The following TMEM232 variants were observed in gnomAD, a reference collection of about 807,000 sequenced individuals.
TMEM232 encodes the protein transmembrane protein 232.
In TMEM232, 80 loss-of-function variants were observed where a neutral mutation model predicts 78.8. That is an observed-to-expected ratio of 1.01 (90% CI 0.85 to 1.22). TMEM232 has a LOEUF of 1.22. TMEM232 is among the 50% of genes most tolerant of loss of function. The pLI is 0.00. For missense variants in TMEM232, 881 were observed against 742.2 expected (o/e 1.19, Z -2.17); for synonymous variants, 297 against 254.3 (o/e 1.17, Z -1.60).
At chr5:110,662,824 A>G (rs887712191) in intron 2 of TMEM232, among the ~76,000 whole-genome samples, 9 of 152,166 alleles carry the variant, frequency 5.9e-5, no homozygotes, top group African/African-American at 2.2e-4. Flanking sequence ...ATTTACAAAA[A>G]TTTCCACATA....
intron 4 of TMEM232, among the ~76,000 whole-genome samples, chr5:110,388,376 G>A (rs1428323168): frequency 6.6e-6 from 1 of 152,268 alleles, no homozygotes; most frequent in East Asian, 1.9e-4. Flanking sequence ...GTCCCAGGTA[G>A]TATATTCCTA....
At chr5:110,460,321 G>A (rs1391359928) in intron 12 of TMEM232, among the ~76,000 whole-genome samples, 1 of 151,854 alleles carries the variant, frequency 6.6e-6, no homozygotes, top group Non-Finnish European at 1.5e-5. Context: ...GTATGTGTGT[G>A]TAGATGGAAA....
chr5:110,451,418 T>G (rs1760265646), intron 12 of TMEM232, among the ~76,000 whole-genome samples: 1 of 152,210 alleles, frequency 6.6e-6, no homozygotes, highest in African/African-American at 2.4e-5. Flanking sequence ...TCTAAAACTT[T>G]GATGGCATCT....
intron 10 of TMEM232, among the ~76,000 whole-genome samples, chr5:110,580,371 A>G (rs550003955): frequency 6.6e-6 from 1 of 151,850 alleles, no homozygotes; most frequent in African/African-American, 2.4e-5. Flanking sequence ...TATTCAGTAC[A>G]TTAACATACT....
chr5:110,486,965 T>A (rs971718157), intron 12 of TMEM232, among the ~76,000 whole-genome samples: 4 of 152,124 alleles, frequency 2.6e-5, no homozygotes, highest in African/African-American at 9.7e-5. Flanking sequence ...TGTTTCCATT[T>A]GTTTGTGTCA....
intron 11 of TMEM232, among the ~76,000 whole-genome samples, chr5:110,540,270 C>T (rs982904345): frequency 7.2e-5 from 11 of 152,144 alleles, no homozygotes; most frequent in Non-Finnish European, 1.0e-4. Flanking sequence ...CCAAGTTTCC[C>T]GTGGGCAATC....
At chr5:110,477,074 A>C (rs1477186058) in intron 12 of TMEM232, among the ~76,000 whole-genome samples, 1 of 152,002 alleles carries the variant, frequency 6.6e-6, no homozygotes, top group Non-Finnish European at 1.5e-5. Flanking sequence ...GGTTTTTCAA[A>C]ACAAACCTGA....
At position 110,443,599 on chromosome 5, in the gene TMEM232, C is replaced by T. The variant is rs564260923; in HGVS notation, c.1704-18683G>A. Among the ~76,000 whole-genome samples, 19 of 152,256 alleles carry T rather than the reference C, an allele frequency of 1.2e-4. No individual in the cohort carries two copies. In the East Asian group the frequency reaches 3.5e-3, roughly 28 times the overall value. On this transcript the variant is annotated intron_variant, in intron 12 of 13. Transcript: ENST00000455884. ...CTACACCACTGTTGCCAAGCTGGTACCTAAGGTGCAAAACAAAGTCCTCAT... is the reference window on the plus strand; with the variant it reads ...CTACACCACTGTTGCCAAGCTGGTATCTAAGGTGCAAAACAAAGTCCTCAT...
At position 110,420,605 on chromosome 5, in the gene TMEM232, A is replaced by T. The variant is rs1434598021; in HGVS notation, c.1949T>A (p.Leu650His). The change falls in exon 14 of 14, where the codon CTT (leucine) becomes CAT (histidine). Residue 650 changes from leucine (L) to histidine (H), a missense_variant. Leu to His is a moderately conservative substitution (Grantham distance 99). Transcript: ENST00000455884. ...TTAAATTACTTCCTTCCTATAAGGA[A>T]GTTCATAGGGCTTGGTTTGCTTATG... ...KLHKQTKPYELPYRKEVI is the reference protein window; with the variant it reads ...KLHKQTKPYEHPYRKEVI 2.6e-5 allele frequency: 38 copies of T among 1,481,016 alleles called. No homozygotes were observed. The highest frequency in any genetic ancestry group is 3.3e-5 in the Non-Finnish European group (37 of 1,129,918). 91.7% of individuals were successfully genotyped at this position (1,481,016 alleles called of 1,614,324 possible).
chr5:110,683,147 A>T (rs539144222), intron 1 of TMEM232, among the ~76,000 whole-genome samples: 1 of 152,292 alleles, frequency 6.6e-6, no homozygotes, highest in East Asian at 1.9e-4. Context: ...TACCCTTTTA[A>T]TTAATTATAT....
At position 110,606,249 on chromosome 5, in the gene TMEM232, G is replaced by A; in HGVS notation, c.941C>T (p.Ala314Val). The change falls in exon 9 of 14, where the codon GCT becomes GTT. Residue 314 changes from alanine to valine, a missense_variant. Transcript: ENST00000455884. ...SVLALLVLGEAAKLNMACLKA... is the reference protein window; with the variant it reads ...SVLALLVLGEVAKLNMACLKA... ...CAAGCAGGCCATGTTTAATTTGGCA[G>A]CCTCCCCAAGGACCAGTAAAGCCAG... is the stretch of plus-strand genomic sequence containing the variant. 6.5e-7 allele frequency: 1 copy of A among 1,543,376 alleles called. No homozygotes were observed. The highest frequency in any genetic ancestry group is 8.8e-7 in the Non-Finnish European group (1 of 1,141,256).
intron 11 of TMEM232, among the ~76,000 whole-genome samples, chr5:110,561,990 T>C (rs890741075): frequency 3.9e-5 from 6 of 152,176 alleles, no homozygotes; most frequent in East Asian, 1.9e-4. Context: ...AGCCAAGAAT[T>C]TGAGTGTAGA....
chr5:110,620,617 CTCTCTCTCTCT>C (rs1486069832), intron 7 of TMEM232, among the ~76,000 whole-genome samples: 4 of 135,108 alleles, frequency 3.0e-5, no homozygotes, highest in African/African-American at 1.2e-4. Flanking sequence ...CTCTCTCTCT[CTCTCTCTCTCT>C]CTCTCTCTCT....
At chr5:110,578,780 T>A (rs1311857890) in intron 10 of TMEM232, among the ~76,000 whole-genome samples, 1 of 151,832 alleles carries the variant, frequency 6.6e-6, no homozygotes, top group Admixed American at 6.6e-5. Flanking sequence ...ATCAATTCGA[T>A]AGGAACAAAT....
At chr5:110,495,379 AG>A (rs1561569663) in intron 12 of TMEM232, among the ~76,000 whole-genome samples, 1 of 151,986 alleles carries the variant, frequency 6.6e-6, no homozygotes, top group Non-Finnish European at 1.5e-5. Flanking sequence ...TCTCAACATC[AG>A]GATTTTTTAA....
At chr5:110,712,285 GA>G (rs1299881122) in intron 1 of TMEM232, among the ~76,000 whole-genome samples, 1 of 151,724 alleles carries the variant, frequency 6.6e-6, no homozygotes, top group Non-Finnish European at 1.5e-5. Flanking sequence ...GCACAGCAAA[GA>G]AAACAATCAA....
intron 1 of TMEM232, among the ~76,000 whole-genome samples, chr5:110,682,487 T>C (rs1357915103): frequency 6.6e-6 from 1 of 152,110 alleles, no homozygotes; most frequent in African/African-American, 2.4e-5. Context: ...CTGTGGAAGA[T>C]GGTCTAAAGT....
chr5:110,445,006 A>AAT (rs1395608707), intron 12 of TMEM232, among the ~76,000 whole-genome samples: 2 of 151,846 alleles, frequency 1.3e-5, no homozygotes, highest in African/African-American at 4.8e-5. Context: ...TTGTGTTTTT[A>AAT]ATGTCTAGGA....
chr5:110,557,260 T>C (rs986594530), intron 11 of TMEM232, among the ~76,000 whole-genome samples: 5 of 152,194 alleles, frequency 3.3e-5, no homozygotes, highest in Non-Finnish European at 5.9e-5. Flanking sequence ...TATTTCCTCT[T>C]TCAGCTCATA....
Sources: allele counts gnomAD v4.1 joint callset (sites outside exome capture counted in the v4.1 genomes callset), GRCh38; gene constraint gnomAD v4.1.1; transcripts MANE v1.5; gene names NCBI Gene and HGNC (gene_info 2026-07-23, HGNC 2026-07-21).